The following RGS6 variants were observed in gnomAD, a reference collection of about 807,000 sequenced individuals.
The protein encoded by RGS6 is regulator of G-protein signaling 6.
Under a neutral mutation model 78.5 loss-of-function variants are expected in RGS6, and 30 were observed. The observed-to-expected ratio is 0.38, with a 90% CI of 0.29 to 0.52. The LOEUF (loss-of-function observed/expected upper bound fraction) is 0.52, where lower values mean the gene tolerates loss of function less well. Among genes scored for constraint, RGS6 ranks in the 20% least tolerant of loss-of-function variants. RGS6 has a pLI of 0.85. For missense variants in RGS6, 495 were observed against 609.7 expected (o/e 0.81, Z 1.98); for synonymous variants, 206 against 206.0 (o/e 1.00, Z 0.00).
chr14:72,330,876 C>G (rs1239325464), intron 2 of RGS6, among the ~76,000 whole-genome samples: 1 of 152,124 alleles, frequency 6.6e-6, no homozygotes, highest in Non-Finnish European at 1.5e-5. Flanking sequence ...TGTGCCCCAT[C>G]TTCCCAGACA....
chr14:71,943,317 G>A (rs976028006), intron 1 of RGS6, among the ~76,000 whole-genome samples: 16 of 152,154 alleles, frequency 1.1e-4, no homozygotes, highest in African/African-American at 3.4e-4. Context: ...TGAGAATAGA[G>A]GACCCTGTAT....
chr14:71,880,590 G>A, the RGS6 span, among the ~76,000 whole-genome samples: 1 of 152,228 alleles, frequency 6.6e-6, no homozygotes, highest in Non-Finnish European at 1.5e-5. Context: ...GGCTTCAGGG[G>A]GTGTAAGCCC....
intron 2 of RGS6, among the ~76,000 whole-genome samples, chr14:72,120,251 T>C (rs145248329): frequency 1.1e-3 from 161 of 152,318 alleles, no homozygotes; most frequent in Admixed American, 1.8e-3. Flanking sequence ...AGATTATCTA[T>C]TGAGGTAGTT....
chr14:72,300,339 T>C (rs948259324), intron 2 of RGS6, among the ~76,000 whole-genome samples: 33 of 152,170 alleles, frequency 2.2e-4, no homozygotes, highest in African/African-American at 6.5e-4. Context: ...AGATTGCTGG[T>C]CTGAAACTTA....
At chr14:72,508,555 C>T (rs1306687518) in intron 13 of RGS6, among the ~76,000 whole-genome samples, 1 of 123,634 alleles carries the variant, frequency 8.1e-6, no homozygotes, top group Non-Finnish European at 1.6e-5. Flanking sequence ...TCCACGCACA[C>T]AAGCTCCTTT....
At chr14:72,329,173 C>T (rs2074436267) in intron 2 of RGS6, among the ~76,000 whole-genome samples, 1 of 152,244 alleles carries the variant, frequency 6.6e-6, no homozygotes, top group Non-Finnish European at 1.5e-5. Flanking sequence ...TGTGCCCAAC[C>T]AACACTATTT....
intron 12 of RGS6, among the ~76,000 whole-genome samples, chr14:72,489,639 AAGAC>A (rs568055260): frequency 3.2e-4 from 49 of 152,308 alleles, no homozygotes; most frequent in African/African-American, 1.2e-3. Flanking sequence ...TGTGAAGACA[AAGAC>A]AGAGATGAAA....
At chr14:71,981,518 C>T (rs4899410) in intron 2 of RGS6, among the ~76,000 whole-genome samples, 11,296 of 151,064 alleles carry the variant, frequency 0.075, 410 homozygotes, top group East Asian at 0.2. Flanking sequence ...AATACCCGGC[C>T]GTGTGAGGTG....
chr14:72,377,737 G>A (rs2085122481), intron 3 of RGS6, among the ~76,000 whole-genome samples: 1 of 152,120 alleles, frequency 6.6e-6, no homozygotes, highest in African/African-American at 2.4e-5. Flanking sequence ...CAGCACTTTG[G>A]GAAGACAATG....
intron 2 of RGS6, among the ~76,000 whole-genome samples, chr14:72,174,448 C>T (rs1378897760): frequency 6.6e-6 from 1 of 152,188 alleles, no homozygotes; most frequent in African/African-American, 2.4e-5. Flanking sequence ...GGCTCTGAGC[C>T]TCCCAGCCGC....
Position 72,472,905 on chromosome 14 carries a change from A to C in RGS6, c.570A>C (p.Lys190Asn), listed in dbSNP as rs2096125000. Reference sequence around the variant, plus strand: ...GGAAAAAAGACAAGACAGAAAGGAAAATTTTGGATAGTCAAGAACGAGCCT... The same window carrying C: ...GGAAAAAAGACAAGACAGAAAGGAACATTTTGGATAGTCAAGAACGAGCCT... The part of the protein sequence containing the change: ...IDRKKDKTER[K>N]ILDSQERAFW... The change falls in exon 9 of 18, where the codon AAA becomes AAC. Residue 190 changes from lysine to asparagine, a missense_variant. Transcript: ENST00000553525. 6.2e-7 allele frequency: 1 copy of C among 1,613,356 alleles called. No individual in the cohort carries two copies. Among genetic ancestry groups the C allele is most frequent in the Non-Finnish European group, 8.5e-7 (1 of 1,179,714 alleles).
intron 2 of RGS6, among the ~76,000 whole-genome samples, chr14:72,010,121 T>G (rs528244253): frequency 6.6e-6 from 1 of 152,350 alleles, no homozygotes; most frequent in South Asian, 2.1e-4. Flanking sequence ...CCTTTGATTT[T>G]TATTTTCTCT....
chr14:72,275,044 C>T (rs1211466774), intron 2 of RGS6, among the ~76,000 whole-genome samples: 1 of 152,104 alleles, frequency 6.6e-6, no homozygotes, highest in African/African-American at 2.4e-5. Context: ...ACCCTGGTTC[C>T]AACAAATGCC....
intron 2 of RGS6, among the ~76,000 whole-genome samples, chr14:72,083,318 G>T (rs1000433937): frequency 2.6e-5 from 4 of 152,138 alleles, no homozygotes; most frequent in Admixed American, 6.6e-5. Context: ...ACATCTTTGT[G>T]CTCGCTGGGG....
At chr14:72,600,624 C>T in the RGS6 span, among the ~76,000 whole-genome samples, 7 of 151,944 alleles carry the variant, frequency 4.6e-5, no homozygotes, top group Non-Finnish European at 8.8e-5. Context: ...TTCAAGGAGC[C>T]CTGAAGCCCA....
intron 13 of RGS6, among the ~76,000 whole-genome samples, chr14:72,503,205 C>G (rs936673653): frequency 4.6e-5 from 7 of 152,244 alleles, no homozygotes; most frequent in African/African-American, 1.7e-4. Context: ...ACCTAATTAC[C>G]TCCCAAAGGC....
intron 3 of RGS6, among the ~76,000 whole-genome samples, chr14:72,427,257 A>G (rs1370094632): frequency 3.3e-5 from 5 of 152,182 alleles, no homozygotes; most frequent in Non-Finnish European, 7.3e-5. Flanking sequence ...TATTGCTATG[A>G]TTTTTCTCTT....
At chr14:72,182,777 G>A (rs2097191212) in intron 2 of RGS6, among the ~76,000 whole-genome samples, 1 of 152,220 alleles carries the variant, frequency 6.6e-6, no homozygotes, top group Non-Finnish European at 1.5e-5. Context: ...CCATTGTGGG[G>A]AAATGTGCCA....
intron 2 of RGS6, among the ~76,000 whole-genome samples, chr14:72,311,007 C>A (rs115577649): frequency 8.5e-4 from 129 of 152,322 alleles, no homozygotes; most frequent in African/African-American, 3.1e-3. Context: ...TGTGTTCCAG[C>A]CACCTGGCAA....
Sources: allele counts gnomAD v4.1 joint callset (sites outside exome capture counted in the v4.1 genomes callset), GRCh38; gene constraint gnomAD v4.1.1; transcripts MANE v1.5; gene names NCBI Gene and HGNC (gene_info 2026-07-23, HGNC 2026-07-21).